L3MBTL3: variants seen among roughly 807,000 people sequenced by gnomAD.
L3MBTL3 encodes lethal(3)malignant brain tumor-like protein 3.
In L3MBTL3, 27 loss-of-function variants were observed where a neutral mutation model predicts 102.3. The ratio of observed to expected loss-of-function variants is 0.26; its 90% CI spans 0.19 to 0.36. L3MBTL3 has a LOEUF of 0.36. L3MBTL3 is among the 10% of genes least tolerant of loss of function. L3MBTL3 has a pLI of 1.00. For missense variants in L3MBTL3, 798 were observed against 955.3 expected (o/e 0.84, Z 2.17); for synonymous variants, 340 against 320.9 (o/e 1.06, Z -0.64).
chr6:130,099,797 G>A (rs995865972), intron 18 of L3MBTL3, among the ~76,000 whole-genome samples: 3 of 152,044 alleles, frequency 2.0e-5, no homozygotes, highest in South Asian at 2.1e-4. Context: ...TCTTTGTGCC[G>A]GTGTCCTCAT....
chr6:130,089,430 T>G (rs1358795641), intron 16 of L3MBTL3, among the ~76,000 whole-genome samples: 1 of 151,770 alleles, frequency 6.6e-6, no homozygotes, highest in Non-Finnish European at 1.5e-5. Context: ...TATTCCATGG[T>G]GTATATGTGC....
intron 14 of L3MBTL3, among the ~76,000 whole-genome samples, chr6:130,079,251 G>T (rs891536478): frequency 6.6e-6 from 1 of 152,006 alleles, no homozygotes; most frequent in Admixed American, 6.6e-5. Flanking sequence ...TTTTTCTGTC[G>T]TGATTCCTGG....
At chr6:130,112,835 G>T (rs1785439921) in intron 19 of L3MBTL3, among the ~76,000 whole-genome samples, 1 of 152,120 alleles carries the variant, frequency 6.6e-6, no homozygotes, top group African/African-American at 2.4e-5. Flanking sequence ...GTGAGTACGT[G>T]GTCCTTATAG....
rs1788203987 is a variant in L3MBTL3, at chr6:130,140,819, C to CA, written c.*1068dup. ...GAGTATTGTGATTTTGCTGAAAAGACAAGGTGTGAAGGAGCAACTTCAGTT... is the reference window on the plus strand; with the variant it reads ...GAGTATTGTGATTTTGCTGAAAAGACAAAGGTGTGAAGGAGCAACTTCAGTT... On this transcript the variant is annotated 3_prime_UTR_variant, in exon 23 of 23. Transcript: ENST00000361794. 2.6e-5 allele frequency: 4 copies of CA among 152,378 alleles called. No homozygotes were observed. In the South Asian group the frequency reaches 8.3e-4, roughly 32 times the overall value. The allele number at this position is 152,378 out of a possible 1,614,324, so 9.4% of individuals were successfully genotyped here. A position where few individuals can be genotyped will look rare whatever the true frequency, so the allele number is the denominator to read the frequency against.
intron 3 of L3MBTL3, among the ~76,000 whole-genome samples, chr6:130,048,532 AAATTTTCAGTATTTGGAATGG>A: frequency 6.6e-6 from 1 of 152,292 alleles, no homozygotes; most frequent in Admixed American, 6.5e-5. Flanking sequence ...AGGTGAAAGG[AAATTTTCAGTATTTGGAATGG>A]AATGTCCATG....
At chr6:130,050,879 G>A (rs978806776) in intron 5 of L3MBTL3, among the ~76,000 whole-genome samples, 3 of 152,144 alleles carry the variant, frequency 2.0e-5, no homozygotes, top group Admixed American at 1.3e-4. Flanking sequence ...TTATAAATGT[G>A]AAATAAAAGA....
intron 10 of L3MBTL3, among the ~76,000 whole-genome samples, chr6:130,061,096 TTTTTTTGAGATGGAG>T (rs1781868744): frequency 6.7e-6 from 1 of 149,866 alleles, no homozygotes; most frequent in African/African-American, 2.5e-5. Context: ...TTTTTTTTTT[TTTTTTTGAGATGGAG>T]TCTCACTCTG....
At chr6:130,033,573 C>A (rs1020285254) in intron 2 of L3MBTL3, among the ~76,000 whole-genome samples, 1 of 152,118 alleles carries the variant, frequency 6.6e-6, no homozygotes, top group Non-Finnish European at 1.5e-5. Context: ...AGATACACTG[C>A]CCTTTTAACC....
At chr6:130,111,483 G>A (rs1180768628) in intron 19 of L3MBTL3, among the ~76,000 whole-genome samples, 1 of 152,194 alleles carries the variant, frequency 6.6e-6, no homozygotes, top group African/African-American at 2.4e-5. Flanking sequence ...GGTGTGTGCT[G>A]AAGTGAAGCT....
chr6:130,107,580 AC>A (rs1195608425), intron 19 of L3MBTL3, among the ~76,000 whole-genome samples: 11 of 152,230 alleles, frequency 7.2e-5, no homozygotes, highest in African/African-American at 9.6e-5. Context: ...TATTAAAAAA[AC>A]ATTTGTTAAG....
Position 130,055,271 on chromosome 6 carries a change from TAA to T in L3MBTL3, c.667+18_667+19del, listed in dbSNP as rs778400551. The T allele has an allele frequency of 3.8e-5, 61 of 1,592,440 alleles. No individual in the cohort carries two copies. Among genetic ancestry groups the T allele is most frequent in the Non-Finnish European group, 5.0e-5 (58 of 1,166,494 alleles). ...CTAAAGCAGGGTGAGCTGATGAAAA[TAA>T]AGTCTTACTTGTAACTTTATGAAAT... On this transcript the variant is annotated intron_variant, in intron 8 of 22. Coordinates refer to ENST00000361794, the MANE Select transcript of L3MBTL3 (RefSeq NM_032438.4).
At chr6:130,082,995 C>A (rs1214117886) in intron 14 of L3MBTL3, among the ~76,000 whole-genome samples, 2 of 152,182 alleles carry the variant, frequency 1.3e-5, no homozygotes, top group Non-Finnish European at 2.9e-5. Context: ...CCATACTGGG[C>A]CACTGTTTAT....
chr6:130,038,372 C>T (rs1780193779), intron 2 of L3MBTL3, among the ~76,000 whole-genome samples: 1 of 151,848 alleles, frequency 6.6e-6, no homozygotes, highest in Non-Finnish European at 1.5e-5. Flanking sequence ...CCATACTACT[C>T]TATATTCCCA....
At chr6:130,031,074 T>C (rs187879589) in intron 2 of L3MBTL3, among the ~76,000 whole-genome samples, 6 of 152,172 alleles carry the variant, frequency 3.9e-5, no homozygotes, top group Admixed American at 1.3e-4. Context: ...TCTGGTACCA[T>C]GGAGGTAAAA....
At chr6:130,055,292 A>G (rs1781395839) in intron 8 of L3MBTL3, 37 bp downstream of exon 8, 1 of 1,516,870 alleles carries the variant, frequency 6.6e-7, no homozygotes, top group Non-Finnish European at 9.0e-7. Flanking sequence ...TTGTAACTTT[A>G]TGAAATTGGA....
chr6:130,062,490 G>T (rs1356657822), intron 10 of L3MBTL3, among the ~76,000 whole-genome samples: 2 of 151,314 alleles, frequency 1.3e-5, no homozygotes, highest in African/African-American at 4.9e-5. Context: ...GGCACAAGAG[G>T]TCCTCCCACC....
At chr6:130,129,556 AC>A (rs1786864507) in intron 20 of L3MBTL3, among the ~76,000 whole-genome samples, 2 of 152,174 alleles carry the variant, frequency 1.3e-5, no homozygotes, top group Admixed American at 1.3e-4. Context: ...TTTTTTACTC[AC>A]TGTGGAAGCA....
chr6:130,053,066 T>C, intron 7 of L3MBTL3, 75 bp downstream of exon 7: 1 of 1,166,046 alleles, frequency 8.6e-7, no homozygotes, highest in Non-Finnish European at 1.3e-6. Context: ...CAAGCACTGC[T>C]CTGGAGCCCA....
At chr6:130,122,455 A>T (rs899743842) in intron 20 of L3MBTL3, among the ~76,000 whole-genome samples, 1 of 152,218 alleles carries the variant, frequency 6.6e-6, no homozygotes, top group Admixed American at 6.5e-5. Context: ...ATGTCATCAC[A>T]TACCTCTGAG....
Sources: allele counts gnomAD v4.1 joint callset (sites outside exome capture counted in the v4.1 genomes callset), GRCh38; gene constraint gnomAD v4.1.1; transcripts MANE v1.5; gene names NCBI Gene and HGNC (gene_info 2026-07-23, HGNC 2026-07-21).